Variants in PLA2G5 observed in about 807,000 individuals in gnomAD.
The protein encoded by PLA2G5 is Ca2+-dependent phospholipase A2.
In PLA2G5, 12 loss-of-function variants were observed where a neutral mutation model predicts 15.9. The ratio of observed to expected loss-of-function variants is 0.76; its 90% CI spans 0.48 to 1.23. The LOEUF is 1.23. Ranked by LOEUF, PLA2G5 falls within the 50% of genes most tolerant of loss-of-function variation. PLA2G5 has a pLI of 0.00. For synonymous variants in PLA2G5, 71 were observed against 71.4 expected (o/e 0.99, Z 0.03); for missense variants, 169 against 177.1 (o/e 0.95, Z 0.26).
intron 3 of PLA2G5, among the ~76,000 whole-genome samples, chr1:20,088,595 G>A (rs1170349795): frequency 2.0e-5 from 3 of 151,862 alleles, no homozygotes; most frequent in Non-Finnish European, 4.4e-5. Context: ...TTAGTAATAG[G>A]AGGAACTGGG....
chr1:20,039,670 G>GGAGA (rs142706440), intron 1 of PLA2G5, among the ~76,000 whole-genome samples: 2 of 149,622 alleles, frequency 1.3e-5, no homozygotes, highest in South Asian at 4.2e-4. Flanking sequence ...GAGGGGAAGT[G>GGAGA]GAGAGAGAGA....
chr1:20,088,518 T>G (rs890212876), intron 3 of PLA2G5, among the ~76,000 whole-genome samples: 2 of 151,892 alleles, frequency 1.3e-5, no homozygotes, highest in African/African-American at 4.8e-5. Context: ...ATTTAGTGAA[T>G]AATTATCAAT....
chr1:20,036,073 C>G (rs1233262943), intron 1 of PLA2G5, among the ~76,000 whole-genome samples: 1 of 152,164 alleles, frequency 6.6e-6, no homozygotes, highest in Non-Finnish European at 1.5e-5. Flanking sequence ...AACCCCAATC[C>G]CTTCTAGCTT....
rs150487354 is a variant in PLA2G5 at position 20,076,250 on chromosome 1, C to T, written c.-11+5785C>T. Among the ~76,000 whole-genome samples the T allele has an allele frequency of 7.2e-5, 11 of 151,944 alleles. No individual in the cohort carries two copies. In the East Asian group the frequency reaches 1.7e-3, roughly 24 times the overall value. On this transcript the variant is annotated intron_variant, in intron 1 of 4. Coordinates refer to ENST00000375108, the MANE Select transcript of PLA2G5 (RefSeq NM_000929.3). Reference sequence around the variant, plus strand: ...TTCCATTTTGTTTTTTTTAAAGCACCGTGTAGATCAAGCAAAGCATTTCTT... The same window carrying T: ...TTCCATTTTGTTTTTTTTAAAGCACTGTGTAGATCAAGCAAAGCATTTCTT...
At chr1:20,089,738 G>T (rs2016470125) in intron 3 of PLA2G5, 51 bp from the exon 4 acceptor site, 3 of 1,464,704 alleles carry the variant, frequency 2.0e-6, no homozygotes, top group Middle Eastern at 1.7e-4. Context: ...TTAGGGATGG[G>T]GTCAGGAGGG....
At chr1:20,059,120 CAAA>C (rs34667227) in intron 1 of PLA2G5, among the ~76,000 whole-genome samples, 16 of 83,116 alleles carry the variant, frequency 1.9e-4, no homozygotes, top group African/African-American at 5.8e-4. Flanking sequence ...GAGACTGTCT[CAAA>C]AAAAAAAAAA....
At chr1:20,051,234 T>C (rs1202273578) in intron 1 of PLA2G5, among the ~76,000 whole-genome samples, 2 of 152,200 alleles carry the variant, frequency 1.3e-5, no homozygotes, top group African/African-American at 2.4e-5. Context: ...TAGAAGATGC[T>C]ATTATAATCA....
At chr1:20,077,367 A>G (rs1001740292) in intron 1 of PLA2G5, among the ~76,000 whole-genome samples, 4 of 152,174 alleles carry the variant, frequency 2.6e-5, no homozygotes, top group African/African-American at 9.7e-5. Flanking sequence ...TCATCTGTCT[A>G]TCTATCCATC....
At chr1:20,063,094 G>A (rs2014821411) in intron 2 of PLA2G5, among the ~76,000 whole-genome samples, 1 of 152,118 alleles carries the variant, frequency 6.6e-6, no homozygotes, top group Admixed American at 6.5e-5. Flanking sequence ...TACTCTGGAG[G>A]GTGAGGTGGG....
At chr1:20,068,779 A>C (rs3753830), upstream of PLA2G5, 26,602 of 366,200 alleles carry the variant, frequency 0.073, 1,470 homozygotes, top group East Asian at 0.25. Context: ...AAAATGCCAT[A>C]AATAAAAGAC....
At chr1:20,084,994 G>T (rs2016212959) in intron 2 of PLA2G5, 124 bp downstream of exon 2, 3 of 762,610 alleles carry the variant, frequency 3.9e-6, no homozygotes, top group Admixed American at 1.8e-5. Context: ...TGCACTGACT[G>T]CATAGACATT....
chr1:20,041,964 T>A (rs1373760262), intron 1 of PLA2G5, among the ~76,000 whole-genome samples: 1 of 152,150 alleles, frequency 6.6e-6, no homozygotes, highest in African/African-American at 2.4e-5. Flanking sequence ...CCAGCTTCCT[T>A]TGGAAGTAAA....
chr1:20,065,528 C>A (rs1272593435), upstream of PLA2G5, among the ~76,000 whole-genome samples: 1 of 152,094 alleles, frequency 6.6e-6, no homozygotes, highest in African/African-American at 2.4e-5. Flanking sequence ...AGTATATATC[C>A]TTTTCAGATT....
At chr1:20,035,952 G>A (rs1292980007) in intron 1 of PLA2G5, among the ~76,000 whole-genome samples, 2 of 152,136 alleles carry the variant, frequency 1.3e-5, no homozygotes, top group Non-Finnish European at 2.9e-5. Flanking sequence ...AATTCTCTCA[G>A]CATTTGTTTG....
chr1:20,089,993 A>C (rs2016490060), intron 4 of PLA2G5, 98 bp downstream of exon 4: 1 of 823,388 alleles, frequency 1.2e-6, no homozygotes, highest in Middle Eastern at 3.1e-4. Context: ...TTGGGGGAGG[A>C]GGAGTTGGGT....
chr1:20,090,456 A>G, intron 4 of PLA2G5, 112 bp from the exon 5 acceptor site: 4 of 1,055,518 alleles, frequency 3.8e-6, no homozygotes, highest in Non-Finnish European at 5.8e-6. Flanking sequence ...TTTAGGAGCC[A>G]TGCCTCTTCC....
chr1:20,042,795 G>A (rs746873879), intron 1 of PLA2G5, among the ~76,000 whole-genome samples: 3 of 152,132 alleles, frequency 2.0e-5, no homozygotes, highest in Non-Finnish European at 2.9e-5. Flanking sequence ...GGGAGACCAC[G>A]TGTGTTTTTA....
At chr1:20,090,026 A>C (rs546444440) in intron 4 of PLA2G5, 131 bp downstream of exon 4, 7 of 656,388 alleles carry the variant, frequency 1.1e-5, no homozygotes, top group Non-Finnish European at 1.9e-5. Flanking sequence ...CGAGAGGAGC[A>C]GGATTATTGC....
chr1:20,048,672 C>G (rs765089638), intron 1 of PLA2G5, among the ~76,000 whole-genome samples: 3 of 152,166 alleles, frequency 2.0e-5, no homozygotes, highest in Non-Finnish European at 2.9e-5. Flanking sequence ...ACAAGAACAG[C>G]TTGGAGGTTT....
Sources: gnomAD v4.1 joint callset for allele counts (sites outside exome capture counted in the v4.1 genomes callset) on GRCh38, gnomAD v4.1.1 for gene constraint, MANE v1.5 for transcripts, NCBI Gene and HGNC (gene_info 2026-07-23, HGNC 2026-07-21) for gene names.